PCDH15: variants seen among roughly 807,000 people sequenced by gnomAD.
The protein encoded by PCDH15 is protocadherin related 15, also known as protocadherin-15.
PCDH15 carries 129 observed loss-of-function variants against 178.5 expected under a neutral mutation model. The ratio of observed to expected loss-of-function variants is 0.72; its 90% CI spans 0.63 to 0.84. PCDH15 has a LOEUF of 0.84. Among genes scored for constraint, PCDH15 ranks in the 40% least tolerant of loss-of-function variants. The probability of loss-of-function intolerance (pLI) is 0.00; values close to 1 mark genes in which losing one functional copy is unlikely to be tolerated. For synonymous variants in PCDH15, 800 were observed against 732.0 expected (o/e 1.09, Z -1.50); for missense variants, 2,230 against 2,099.9 (o/e 1.06, Z -1.21).
At chr10:53,946,665 G>T (rs1261702767) in intron 23 of PCDH15, among the ~76,000 whole-genome samples, 2 of 152,134 alleles carry the variant, frequency 1.3e-5, no homozygotes, top group Non-Finnish European at 2.9e-5. Context: ...CTCCAAAATG[G>T]TTTAAAGTAA....
intron 1 of PCDH15, among the ~76,000 whole-genome samples, chr10:54,754,973 C>G (rs201757776): frequency 8.6e-6 from 1 of 115,856 alleles, no homozygotes; most frequent in South Asian, 2.9e-4. Flanking sequence ...TTTTGGGAGA[C>G]AGACTCACTC....
At chr10:54,740,940 T>C (rs1944719987) in intron 1 of PCDH15, among the ~76,000 whole-genome samples, 1 of 151,888 alleles carries the variant, frequency 6.6e-6, no homozygotes, top group African/African-American at 2.4e-5. Context: ...GAAGGCACAA[T>C]TTCTAGCATT....
chr10:53,892,876 GA>G (rs2081669691), intron 26 of PCDH15, among the ~76,000 whole-genome samples: 1 of 152,094 alleles, frequency 6.6e-6, no homozygotes, highest in Non-Finnish European at 1.5e-5. Context: ...AAACAGAATA[GA>G]TTTTTTTGTA....
intron 19 of PCDH15, 110 bp downstream of exon 19, chr10:54,022,782 T>C: frequency 9.2e-7 from 1 of 1,086,348 alleles, no homozygotes; most frequent in Non-Finnish European, 1.4e-6. Flanking sequence ...TATCTGAAAT[T>C]AAAATCCAAC....
At chr10:53,859,547 A>C (rs1238079545) in intron 27 of PCDH15, among the ~76,000 whole-genome samples, 1 of 152,072 alleles carries the variant, frequency 6.6e-6, no homozygotes, top group Non-Finnish European at 1.5e-5. Flanking sequence ...CCGTACTATT[A>C]GTATCCCTTG....
chr10:53,838,325 G>A (rs1469197474), intron 29 of PCDH15, among the ~76,000 whole-genome samples: 1 of 151,904 alleles, frequency 6.6e-6, no homozygotes, highest in African/African-American at 2.4e-5. Flanking sequence ...TTGCCTGCTG[G>A]CTATGATAGT....
At chr10:55,613,071 T>C (rs1843403489) in intron 2 of PCDH15, among the ~76,000 whole-genome samples, 4 of 141,260 alleles carry the variant, frequency 2.8e-5, no homozygotes, top group African/African-American at 1.1e-4. Flanking sequence ...TCGCCCAGGC[T>C]GGAGTGCAGT....
chr10:54,198,336 C>G (rs1341722814), intron 10 of PCDH15, among the ~76,000 whole-genome samples: 1 of 151,898 alleles, frequency 6.6e-6, no homozygotes, highest in East Asian at 1.9e-4. Flanking sequence ...ACTAATTGGT[C>G]CATATGGGCT....
intron 1 of PCDH15, among the ~76,000 whole-genome samples, chr10:55,315,987 GC>G (rs1843713174): frequency 2.0e-5 from 3 of 152,292 alleles, no homozygotes; most frequent in African/African-American, 7.2e-5. Flanking sequence ...TTGCATTCCA[GC>G]CTTGGCAATA....
chr10:54,333,061 A>G (rs1646831118), intron 6 of PCDH15, among the ~76,000 whole-genome samples: 1 of 152,108 alleles, frequency 6.6e-6, no homozygotes, highest in Non-Finnish European at 1.5e-5. Flanking sequence ...CTCCTGCCTC[A>G]GCCTCTGAGT....
rs976555030 is a variant in PCDH15 at position 53,823,059 on chromosome 10, A to G, written c.4368-2829T>C. The G allele has an allele frequency of 3.7e-6, 6 of 1,613,800 alleles. No homozygotes were observed. In the African/African-American group the frequency reaches 8.0e-5, roughly 22 times the overall value. ...CCTCAGAGACTTACTCTTGGCTTGT[A>G]TTTTGGGTGAAAATGGGTCTACAAA... On this transcript the variant is annotated intron_variant, in intron 32 of 37. Coordinates refer to ENST00000644397, the MANE Select transcript of PCDH15 (RefSeq NM_001384140.1).
At chr10:54,756,692 TTCTG>T (rs551007730) in intron 1 of PCDH15, among the ~76,000 whole-genome samples, 4 of 142,560 alleles carry the variant, frequency 2.8e-5, no homozygotes, top group Non-Finnish European at 6.1e-5. Context: ...GTATGTGTCT[TTCTG>T]TCTGTCTGTC....
intron 2 of PCDH15, among the ~76,000 whole-genome samples, chr10:55,352,521 G>A (rs1844962774): frequency 6.6e-6 from 1 of 152,122 alleles, no homozygotes; most frequent in South Asian, 2.1e-4. Context: ...CATCGAAGCT[G>A]ATCCTCTTAC....
chr10:53,983,754 A>G (rs1319884352), intron 21 of PCDH15, among the ~76,000 whole-genome samples: 1 of 152,190 alleles, frequency 6.6e-6, no homozygotes, highest in African/African-American at 2.4e-5. Context: ...ACACCGTCAG[A>G]CTTTCCTAAT....
intron 2 of PCDH15, among the ~76,000 whole-genome samples, chr10:55,334,242 A>ATATATATATGTG (rs1291195941): frequency 4.3e-4 from 31 of 72,132 alleles, no homozygotes; most frequent in African/African-American, 1.9e-3. Flanking sequence ...ATATATATAT[A>ATATATATATGTG]TGTGTGTGTG....
At chr10:54,428,536 G>A (rs563401450) in intron 3 of PCDH15, among the ~76,000 whole-genome samples, 2 of 152,298 alleles carry the variant, frequency 1.3e-5, no homozygotes, top group South Asian at 4.1e-4. Flanking sequence ...CTGCATTGTA[G>A]GTAAGCATGT....
At chr10:54,235,298 C>T (rs1212783538) in intron 9 of PCDH15, among the ~76,000 whole-genome samples, 5 of 152,180 alleles carry the variant, frequency 3.3e-5, no homozygotes, top group African/African-American at 1.2e-4. Context: ...ATCTCTTCTG[C>T]CAGAAAACTG....
intron 28 of PCDH15, among the ~76,000 whole-genome samples, chr10:53,851,698 A>G (rs1204721203): frequency 2.6e-5 from 2 of 78,386 alleles, no homozygotes; most frequent in African/African-American, 4.9e-5. Flanking sequence ...ATATATATAT[A>G]TATATATATA....
At chr10:55,469,412 T>G (rs1839909662) in intron 2 of PCDH15, among the ~76,000 whole-genome samples, 1 of 152,178 alleles carries the variant, frequency 6.6e-6, no homozygotes, top group South Asian at 2.1e-4. Flanking sequence ...ATATCTGATC[T>G]GAGCAATAAC....
Sources: gnomAD v4.1 joint callset for allele counts (sites outside exome capture counted in the v4.1 genomes callset) on GRCh38, gnomAD v4.1.1 for gene constraint, MANE v1.5 for transcripts, NCBI Gene and HGNC (gene_info 2026-07-23, HGNC 2026-07-21) for gene names.